The following ST3GAL6 variants were observed in gnomAD, a reference collection of about 807,000 sequenced individuals.
The protein encoded by ST3GAL6 is type 2 lactosamine alpha-2,3-sialyltransferase.
A neutral mutation model predicts 40.5 loss-of-function variants in ST3GAL6; 31 were observed. The ratio of observed to expected loss-of-function variants is 0.77; its 90% CI spans 0.58 to 1.03. ST3GAL6 has a LOEUF of 1.03. Among genes scored for constraint, ST3GAL6 ranks in the 50% least tolerant of loss-of-function variants. The pLI is 0.00. For synonymous variants in ST3GAL6, 129 were observed against 136.9 expected (o/e 0.94, Z 0.40); for missense variants, 357 against 393.2 (o/e 0.91, Z 0.78).
In ST3GAL6 at chr3:98,791,652, A is replaced by T. The variant is rs563058516; in HGVS notation, c.757-189A>T. On this transcript the variant is annotated intron_variant, in intron 8 of 9. Coordinates refer to ENST00000483910, the MANE Select transcript of ST3GAL6 (RefSeq NM_001323368.2). ...CTTCCTAAGATTTCAATCACAGTTTATATATTTTTTAGAGTTAAGGTATAT... is the reference window on the plus strand; with the variant it reads ...CTTCCTAAGATTTCAATCACAGTTTTTATATTTTTTAGAGTTAAGGTATAT... 9.8e-5 allele frequency among the ~76,000 whole-genome samples: 15 copies of T among 152,302 alleles called. No individual in the cohort carries two copies. In the East Asian group the frequency reaches 2.7e-3, roughly 27 times the overall value.
intron 1 of ST3GAL6, among the ~76,000 whole-genome samples, chr3:98,741,053 T>A (rs1257061224): frequency 7.6e-6 from 1 of 131,210 alleles, no homozygotes; most frequent in Non-Finnish European, 1.6e-5. Context: ...AGGGATTCAG[T>A]GTGTGTGTGT....
At chr3:98,755,309 G>T (rs1937338247) in intron 1 of ST3GAL6, among the ~76,000 whole-genome samples, 1 of 152,056 alleles carries the variant, frequency 6.6e-6, no homozygotes, top group South Asian at 2.1e-4. Context: ...GCCTCCCACA[G>T]TGCTGGGATT....
intron 3 of ST3GAL6, chr3:98,771,325 G>A: frequency 2.9e-6 from 1 of 347,814 alleles, no homozygotes; most frequent in Non-Finnish European, 5.1e-6. Context: ...CTTGCCTCTA[G>A]GTTAAACTTT....
intron 1 of ST3GAL6, among the ~76,000 whole-genome samples, chr3:98,735,684 C>T (rs1395300054): frequency 6.6e-6 from 1 of 152,304 alleles, no homozygotes; most frequent in Middle Eastern, 3.4e-3. Flanking sequence ...CTGTCTGTCC[C>T]AACTGTGATG....
chr3:98,788,424 T>C lies in ST3GAL6; in HGVS notation c.717T>C (p.Tyr239=). Residue 239 remains tyrosine, a synonymous_variant, in exon 8 of 10, where the codon TAT becomes TAC. Coordinates refer to ENST00000483910, the MANE Select transcript of ST3GAL6 (RefSeq NM_001323368.2). ...CTTTCATTATCAGAACAGCAGCTTA[T>C]GAACTGCTTCATTTTCCAAAAGTGT... is the stretch of plus-strand genomic sequence containing the variant. ...LDPFIIRTAA[Y]ELLHFPKVFP... 2 of 1,611,430 alleles carry C rather than the reference T, an allele frequency of 1.2e-6. No homozygotes were observed. Among genetic ancestry groups the C allele is most frequent in the Non-Finnish European group, 1.7e-6 (2 of 1,179,330 alleles).
rs1003561753 is a variant in ST3GAL6 at position 98,795,103 on chromosome 3, C to T, written c.*1342C>T. ...CCTTCCTATATTTTAATAAATGTAA[C>T]CAAAGGCCATCTGGAGGTAGGGGAA... On this transcript the variant is annotated 3_prime_UTR_variant, in exon 10 of 10. Coordinates refer to ENST00000483910, the MANE Select transcript of ST3GAL6 (RefSeq NM_001323368.2). The T allele has an allele frequency of 2.0e-5, 3 of 152,010 alleles. No individual in the cohort carries two copies. Among genetic ancestry groups the T allele is most frequent in the African/African-American group, 7.3e-5 (3 of 41,344 alleles). 9.4% of individuals were successfully genotyped at this position (152,010 alleles called of 1,614,324 possible).
intron 9 of ST3GAL6, among the ~76,000 whole-genome samples, 178 bp from the exon 10 acceptor site, chr3:98,793,497 C>T (rs1941379180): frequency 6.6e-6 from 1 of 151,476 alleles, no homozygotes; most frequent in African/African-American, 2.4e-5. Context: ...AAAGCTTTTG[C>T]ACAAGAACCA....
At chr3:98,745,912 A>G (rs1052729334) in intron 1 of ST3GAL6, among the ~76,000 whole-genome samples, 32 of 152,252 alleles carry the variant, frequency 2.1e-4, no homozygotes, top group African/African-American at 7.5e-4. Flanking sequence ...CTGTGTTTAA[A>G]TGTGTGACTA....
chr3:98,736,579 A>G (rs973053120), intron 1 of ST3GAL6, among the ~76,000 whole-genome samples: 2 of 152,026 alleles, frequency 1.3e-5, no homozygotes, highest in African/African-American at 2.4e-5. Flanking sequence ...GCAACAAGGG[A>G]GCAGAAAGTG....
chr3:98,746,180 G>C (rs1432770161), intron 1 of ST3GAL6, among the ~76,000 whole-genome samples: 1 of 152,112 alleles, frequency 6.6e-6, no homozygotes, highest in Non-Finnish European at 1.5e-5. Flanking sequence ...TATTATGCTA[G>C]TGATATGAAT....
At chr3:98,775,007 G>A (rs1320691105) in intron 5 of ST3GAL6, among the ~76,000 whole-genome samples, 1 of 152,148 alleles carries the variant, frequency 6.6e-6, no homozygotes, top group Admixed American at 6.5e-5. Context: ...GCTCTGATTT[G>A]TAGAATATTG....
intron 1 of ST3GAL6, chr3:98,733,343 G>T (rs278370): frequency 0.46 from 510,756 of 1,113,740 alleles, 119,098 homozygotes; most frequent in African/African-American, 0.65. Flanking sequence ...GGGGCCGAGA[G>T]AATCTGCTCT....
chr3:98,747,055 T>A (rs1465912455), intron 1 of ST3GAL6, among the ~76,000 whole-genome samples: 2 of 152,200 alleles, frequency 1.3e-5, no homozygotes, highest in Non-Finnish European at 2.9e-5. Flanking sequence ...CACTTCACAG[T>A]CCCTTGATTC....
intron 1 of ST3GAL6, among the ~76,000 whole-genome samples, chr3:98,751,451 G>T (rs1937004580): frequency 6.6e-6 from 1 of 152,022 alleles, no homozygotes; most frequent in South Asian, 2.1e-4. Flanking sequence ...CTTTTCTCTT[G>T]ATTTCTAAAT....
upstream of ST3GAL6, among the ~76,000 whole-genome samples, chr3:98,759,892 A>G (rs1438294109): frequency 6.6e-6 from 1 of 152,222 alleles, no homozygotes; most frequent in Non-Finnish European, 1.5e-5. Context: ...AAATACTGGT[A>G]GTATCATACT....
intron 1 of ST3GAL6, chr3:98,756,536 T>G (rs1937432042): frequency 8.0e-7 from 1 of 1,256,194 alleles, no homozygotes; most frequent in Non-Finnish European, 1.0e-6. Flanking sequence ...TTCTTAAAAG[T>G]GCAGGTAAGC....
chr3:98,733,496 T>C (rs187656870), intron 1 of ST3GAL6: 30 of 987,308 alleles, frequency 3.0e-5, no homozygotes, highest in Non-Finnish European at 3.5e-5. Context: ...TCTGGTCTCT[T>C]ACCGTATAAA....
rs573462781 is a variant in ST3GAL6, at chr3:98,736,846, T to C, written c.-12+4314T>C. ...TTTGGGTCGTTTGAGAAACAGAAGG[T>C]GCAGTGTGAGAAGAGAGTGGTTAAG... On this transcript the variant is annotated intron_variant, in intron 1 of 9. Coordinates refer to the ST3GAL6 transcript ENST00000265261. Among the ~76,000 whole-genome samples the C allele has an allele frequency of 3.9e-5, 6 of 152,182 alleles. No individual in the cohort carries two copies. The East Asian group carries it at 1.2e-3, about 29-fold the overall frequency.
intron 1 of ST3GAL6, chr3:98,732,929 C>G (rs1382902225): frequency 2.0e-6 from 3 of 1,508,994 alleles, no homozygotes; most frequent in Non-Finnish European, 2.6e-6. Context: ...TCTCGGAGCC[C>G]GGTGCGCCTC....
Sources: gnomAD v4.1 joint callset for allele counts (sites outside exome capture counted in the v4.1 genomes callset) on GRCh38, gnomAD v4.1.1 for gene constraint, MANE v1.5 for transcripts, NCBI Gene and HGNC (gene_info 2026-07-23, HGNC 2026-07-21) for gene names.